CYP26B1: variants seen among roughly 807,000 people sequenced by gnomAD.
The protein encoded by CYP26B1 is cytochrome P450 family 26 subfamily B member 1, also known as cytochrome P450 26B1.
A neutral mutation model predicts 39.1 loss-of-function variants in CYP26B1; 8 were observed. That is an observed-to-expected ratio of 0.20 (90% CI 0.12 to 0.37). The LOEUF is 0.37. Ranked by LOEUF, CYP26B1 falls within the 10% of genes least tolerant of loss-of-function variation. The pLI is 1.00. For missense variants in CYP26B1, 615 were observed against 707.0 expected (o/e 0.87, Z 1.48); for synonymous variants, 321 against 314.3 (o/e 1.02, Z -0.23).
chr2:72,131,911 A>G lies in CYP26B1; in HGVS notation c.*316T>C. 1 of 423,666 alleles carries G rather than the reference A, an allele frequency of 2.4e-6. No homozygotes were observed. Among genetic ancestry groups the G allele is most frequent in the Non-Finnish European group, 4.3e-6 (1 of 230,024 alleles). The allele number at this position is 423,666 out of a possible 1,614,324, so 26.2% of individuals were successfully genotyped here. On this transcript the variant is annotated 3_prime_UTR_variant, in exon 6 of 6. Coordinates refer to ENST00000001146, the MANE Select transcript of CYP26B1 (RefSeq NM_019885.4). ...CGGAGGGAAGGGAGCAGTTCAGAAC[A>G]TCACAAAAACACTGTAGCACGCGCT... is the stretch of plus-strand genomic sequence containing the variant.
rs1465323941 is a variant in CYP26B1, at chr2:72,132,356, G to A, written c.1410C>T (p.Thr470=). The A allele has an allele frequency of 6.2e-7, 1 of 1,611,334 alleles. No individual in the cohort carries two copies. Among genetic ancestry groups the A allele is most frequent in the Admixed American group, 1.7e-5 (1 of 59,832 alleles). ...CGGGGACCAAGGTGATGCGGGGGAAGGTCCGTGTGGCCAGCTCAAAGCGGC... is the reference window on the plus strand; with the variant it reads ...CGGGGACCAAGGTGATGCGGGGGAAAGTCCGTGTGGCCAGCTCAAAGCGGC... The part of the protein sequence containing the change: ...STSRFELATR[T]FPRITLVPVL... Residue 470 remains threonine (T), a synonymous_variant, in exon 6 of 6, where the codon ACC becomes ACT. Coordinates refer to ENST00000001146, the MANE Select transcript of CYP26B1 (RefSeq NM_019885.4).
rs771056308 is a variant in CYP26B1, at chr2:72,132,398, C to T, written c.1368G>A (p.Val456=). 20 of 1,611,760 alleles carry T rather than the reference C, an allele frequency of 1.2e-5. No homozygotes were observed. The highest frequency in any genetic ancestry group is 1.5e-5 in the Non-Finnish European group (18 of 1,178,602). Residue 456 remains valine, a synonymous_variant, in exon 6 of 6, where the codon GTG becomes GTA. Transcript: ENST00000001146. The stretch of plus-strand genomic sequence containing the variant: ...CAAAGCGGCTGGTGCTAGCCAGCTC[C>T]ACCGCCAGCACCTTCAGGAACAGCT... ...LAKLFLKVLA[V]ELASTSRFEL...
Position 72,144,023 on chromosome 2 carries a change from T to C in CYP26B1, c.395A>G (p.Asn132Ser), listed in dbSNP as rs369946891. The C allele has an allele frequency of 2.3e-5, 37 of 1,613,606 alleles. 1 individual carries two copies. The highest frequency in any genetic ancestry group is 1.4e-4 in the South Asian group (13 of 91,090). Residue 132 changes from asparagine (N) to serine (S), a missense_variant, in exon 2 of 6, where the codon AAT becomes AGT. Asn to Ser is a conservative substitution (Grantham distance 46). Transcript: ENST00000001146. The part of the protein sequence containing the change: ...RMLLGPNTVS[N>S]SIGDIHRNKR... ...GTTGCGGTGGATGTCGCCAATGGAATTGGACACCGTGTTGGGGCCCAGCAA... is the reference window on the plus strand; with the variant it reads ...GTTGCGGTGGATGTCGCCAATGGAACTGGACACCGTGTTGGGGCCCAGCAA...
rs772196527 is a variant in CYP26B1 at position 72,134,794 on chromosome 2, C to A, written c.828G>T (p.Glu276Asp). 6.2e-7 allele frequency: 1 copy of A among 1,614,156 alleles called. No homozygotes were observed. The highest frequency in any genetic ancestry group is 1.1e-5 in the South Asian group (1 of 91,082). The change falls in exon 4 of 6, where the codon GAG becomes GAT. Residue 276 changes from glutamate (E) to aspartate (D), a missense_variant. Transcript: ENST00000001146. ...CCTGCATGGTCATCTCCTTCCCGTG[C>A]TCCTTGCTGCTCTCAATGAGGAGGT... ...ALDLLIESSK[E>D]HGKEMTMQEL...
chr2:72,145,949 C>A (rs1677111958), intron 1 of CYP26B1, among the ~76,000 whole-genome samples: 1 of 152,126 alleles, frequency 6.6e-6, no homozygotes, highest in African/African-American at 2.4e-5. Context: ...ATAAATGACT[C>A]CGAAAAAATA....
In CYP26B1 at chr2:72,132,507, G is replaced by A. The variant is rs7568553; in HGVS notation, c.1259C>T (p.Ala420Val). 155 of 1,612,326 alleles carry A rather than the reference G, an allele frequency of 9.6e-5. No homozygotes were observed. Among genetic ancestry groups the A allele is most frequent in the Non-Finnish European group, 1.2e-4 (147 of 1,178,998 alleles). Reference sequence around the variant, plus strand: ...GCGGCCATCCTTGTCCTCGCTCCGCGCCTGGCTGAAGCGATCGGGGTCGAA... The same window carrying A: ...GCGGCCATCCTTGTCCTCGCTCCGCACCTGGCTGAAGCGATCGGGGTCGAA... ...NVFDPDRFSQARSEDKDGRFH... is the reference protein window; with the variant it reads ...NVFDPDRFSQVRSEDKDGRFH... The change falls in exon 6 of 6, where the codon GCG becomes GTG. Residue 420 changes from alanine (A) to valine (V), a missense_variant. Ala to Val is a moderately conservative substitution (Grantham distance 64). Coordinates refer to ENST00000001146, the MANE Select transcript of CYP26B1 (RefSeq NM_019885.4).
intron 4 of CYP26B1, among the ~76,000 whole-genome samples, chr2:72,133,575 G>C (rs1193960856): frequency 6.6e-6 from 1 of 152,230 alleles, no homozygotes; most frequent in Non-Finnish European, 1.5e-5. Context: ...TTGGAGTGGA[G>C]CCACTTCTCA....
At chr2:72,138,101 G>C (rs372210354) in intron 2 of CYP26B1, among the ~76,000 whole-genome samples, 1 of 152,204 alleles carries the variant, frequency 6.6e-6, no homozygotes, top group Non-Finnish European at 1.5e-5. Flanking sequence ...AAATGAGAAG[G>C]CCAGCAAAGA....
rs1005700900 is a variant in CYP26B1 at position 72,129,722 on chromosome 2, T to G, written c.*2505A>C. On this transcript the variant is annotated 3_prime_UTR_variant, in exon 6 of 6. Coordinates refer to ENST00000001146, the MANE Select transcript of CYP26B1 (RefSeq NM_019885.4). ...GCCCAACATCGAAAGTGCTTCAATCTGCAAGCCCGTGGCAGGAAGAGTTTT... is the reference window on the plus strand; with the variant it reads ...GCCCAACATCGAAAGTGCTTCAATCGGCAAGCCCGTGGCAGGAAGAGTTTT... 7.9e-5 allele frequency: 12 copies of G among 152,592 alleles called. No individual in the cohort carries two copies. The highest frequency in any genetic ancestry group is 2.9e-4 in the African/African-American group (12 of 41,440). The allele number at this position is 152,592 out of a possible 1,614,324, so 9.5% of individuals were successfully genotyped here.
intron 5 of CYP26B1, 90 bp from the exon 6 acceptor site, chr2:72,132,709 G>C: frequency 1.3e-6 from 2 of 1,514,744 alleles, no homozygotes; most frequent in Non-Finnish European, 1.8e-6. Context: ...CTCAGCCCCA[G>C]ATGTTCAAGA....
rs112284242 is a variant in CYP26B1, at chr2:72,139,031, G to A, written c.430-3612C>T. Among the ~76,000 whole-genome samples, 1,283 of 152,314 alleles carry A rather than the reference G, an allele frequency of 8.4e-3. 18 individuals carry two copies. Among genetic ancestry groups the A allele is most frequent in the African/African-American group, 0.027 (1,118 of 41,582 alleles). On this transcript the variant is annotated intron_variant, in intron 2 of 5. Transcript: ENST00000001146. ...TGCTCTGTGAACCCCATGGCCCTGC[G>A]TGCTGCGCTTGCTCAGCCAGATAGC...
chr2:72,138,609 C>A (rs923569377), intron 2 of CYP26B1, among the ~76,000 whole-genome samples: 1 of 152,240 alleles, frequency 6.6e-6, no homozygotes, highest in Admixed American at 6.5e-5. Context: ...AGCCCAGGCT[C>A]AGGCCAAGCC....
intron 2 of CYP26B1, among the ~76,000 whole-genome samples, chr2:72,143,290 T>C (rs1436247376): frequency 6.6e-6 from 1 of 152,004 alleles, no homozygotes; most frequent in Non-Finnish European, 1.5e-5. Flanking sequence ...GGCGGGGGCC[T>C]GTCCCGTGCG....
Position 72,147,551 on chromosome 2 carries a change from C to G in CYP26B1, c.204+80G>C. The G allele has an allele frequency of 7.0e-7, 1 of 1,428,014 alleles. No individual in the cohort carries two copies. The highest frequency in any genetic ancestry group is 9.3e-7 in the Non-Finnish European group (1 of 1,075,382). 88.5% of individuals were successfully genotyped at this position (1,428,014 alleles called of 1,614,324 possible). ...CAGTGCCTTCAGGCTCCCGGCGCCC[C>G]CTGGCCGGCCCGCCGCTCCGTCTGC... On this transcript the variant is annotated intron_variant, in intron 1 of 5. Transcript: ENST00000001146. This position sits in a 1 kb window ranked among gnomAD's most constrained non-coding sequence, Gnocchi z 6.1.
chr2:72,142,308 A>G (rs375390121), intron 2 of CYP26B1, among the ~76,000 whole-genome samples: 27 of 151,900 alleles, frequency 1.8e-4, no homozygotes, highest in African/African-American at 6.3e-4. Context: ...AGGGTCTCAC[A>G]CTCTGGTCCT....
chr2:72,144,250 C>G, intron 1 of CYP26B1, 37 bp from the exon 2 acceptor site: 1 of 1,567,078 alleles, frequency 6.4e-7, no homozygotes, highest in South Asian at 1.2e-5. Flanking sequence ...TCAGGGTGCA[C>G]TTCTGCAGAG....
chr2:72,140,240 G>A (rs575290837), intron 2 of CYP26B1, among the ~76,000 whole-genome samples: 9 of 152,294 alleles, frequency 5.9e-5, no homozygotes, highest in South Asian at 2.1e-4. Context: ...CCACCCTCCC[G>A]CTGCCTGGCA....
intron 2 of CYP26B1, chr2:72,143,076 G>C (rs1676990179): frequency 6.0e-6 from 1 of 167,014 alleles, no homozygotes; most frequent in African/African-American, 2.4e-5. Context: ...GTCTGCCACC[G>C]CTCAGGGACG....
rs1365530352 is a variant in CYP26B1, at chr2:72,133,244, T to C, written c.925A>G (p.Ile309Val). 6.2e-6 allele frequency: 10 copies of C among 1,611,918 alleles called. No individual in the cohort carries two copies. The highest frequency in any genetic ancestry group is 1.3e-5 in the African/African-American group (1 of 74,942). ...GTGGGGTGCTTCAGCAGCTGCATGA[T>C]GAGTGAGGTGCTGGCGCTGGCCGTG... The part of the protein sequence containing the change: ...ATTASASTSL[I>V]MQLLKHPTVL... The change falls in exon 5 of 6, where the codon ATC (isoleucine) becomes GTC (valine). Residue 309 changes from isoleucine (I) to valine (V), a missense_variant. By Grantham distance (29) the Ile-to-Val change is conservative. Coordinates refer to ENST00000001146, the MANE Select transcript of CYP26B1 (RefSeq NM_019885.4).
Sources: allele counts gnomAD v4.1 joint callset (sites outside exome capture counted in the v4.1 genomes callset), GRCh38; gene constraint gnomAD v4.1.1; non-coding constraint Gnocchi (gnomAD v3.1); transcripts MANE v1.5; gene names NCBI Gene and HGNC (gene_info 2026-07-23, HGNC 2026-07-21).